Variants in NCOR1 observed in about 807,000 individuals in gnomAD.
NCOR1 encodes nuclear receptor corepressor 1.
Under a neutral mutation model 288.1 loss-of-function variants are expected in NCOR1, and 63 were observed. The ratio of observed to expected loss-of-function variants is 0.22; its 90% CI spans 0.18 to 0.27. NCOR1 has a LOEUF of 0.27. NCOR1 is among the 10% of genes least tolerant of loss of function. The pLI is 1.00. For missense variants in NCOR1, 2,397 were observed against 3,019.2 expected, an observed-to-expected ratio of 0.79 and a Z score of 4.83; for synonymous variants, 1,007 against 1,065.9, an observed-to-expected ratio of 0.94 and a Z score of 1.08.
chr17:16,062,925 G>C (rs537149717), intron 35 of NCOR1, among the ~76,000 whole-genome samples: 4 of 152,238 alleles, frequency 2.6e-5, no homozygotes, highest in African/African-American at 9.6e-5. Context: ...TCAGAGCTTG[G>C]ACTTGGTAAG....
chr17:16,034,425 C>CA (rs1455889825), intron 45 of NCOR1, among the ~76,000 whole-genome samples: 6 of 151,690 alleles, frequency 4.0e-5, no homozygotes, highest in Admixed American at 1.3e-4. Context: ...CTTGTCCCTA[C>CA]AAAAAATAAA....
chr17:16,212,182 T>G (rs1171060976), intron 1 of NCOR1, among the ~76,000 whole-genome samples: 1 of 151,904 alleles, frequency 6.6e-6, no homozygotes, highest in Admixed American at 6.6e-5. Context: ...GGAGAATCAC[T>G]TGAACCTGGG....
chr17:16,064,290 C>G (rs2060875413), intron 34 of NCOR1, 103 bp from the exon 35 acceptor site: 3 of 1,433,872 alleles, frequency 2.1e-6, no homozygotes, highest in Non-Finnish European at 2.8e-6. Flanking sequence ...CAAAAAGCTT[C>G]AAATTTGGGA....
At chr17:16,119,148 C>T (rs1222540738) in intron 17 of NCOR1, among the ~76,000 whole-genome samples, 5 of 152,084 alleles carry the variant, frequency 3.3e-5, no homozygotes, top group African/African-American at 9.7e-5. Context: ...AAAGTGAAAA[C>T]GACCTACTTG....
intron 2 of NCOR1, among the ~76,000 whole-genome samples, chr17:16,193,755 A>G (rs1253974446): frequency 6.6e-6 from 1 of 152,150 alleles, no homozygotes; most frequent in Admixed American, 6.6e-5. Flanking sequence ...GCCTCCCTAC[A>G]CAGGAACAAC....
chr17:16,038,906 G>A (rs1439264487), intron 44 of NCOR1, among the ~76,000 whole-genome samples: 7 of 152,142 alleles, frequency 4.6e-5, no homozygotes, highest in Non-Finnish European at 1.0e-4. Context: ...GAGTACCTGG[G>A]ATTACAGGCA....
chr17:16,082,599 G>A (rs2063568407), intron 23 of NCOR1, among the ~76,000 whole-genome samples: 1 of 151,988 alleles, frequency 6.6e-6, no homozygotes, highest in East Asian at 1.9e-4. Context: ...ATGCATGCCT[G>A]TAGTTCCAGC....
At chr17:16,071,317 C>CAT (rs2061737731) in intron 30 of NCOR1, 92 bp downstream of exon 30, 1 of 1,488,196 alleles carries the variant, frequency 6.7e-7, no homozygotes, top group African/African-American at 1.4e-5. Context: ...GGAGGTCTGA[C>CAT]ATCATAAGAA....
At chr17:16,037,499 T>G (rs910139483) in intron 44 of NCOR1, among the ~76,000 whole-genome samples, 1 of 151,950 alleles carries the variant, frequency 6.6e-6, no homozygotes, top group African/African-American at 2.4e-5. Context: ...AAAAACAAGG[T>G]TCGTCCTCCT....
At chr17:16,119,682 T>A (rs1165321310) in intron 16 of NCOR1, among the ~76,000 whole-genome samples, 197 bp from the exon 17 acceptor site, 2 of 152,214 alleles carry the variant, frequency 1.3e-5, no homozygotes, top group Non-Finnish European at 2.9e-5. Flanking sequence ...AATATTATGA[T>A]CTTTTTCAGT....
intron 11 of NCOR1, among the ~76,000 whole-genome samples, chr17:16,141,578 T>A (rs1336411396): frequency 6.6e-6 from 1 of 152,126 alleles, no homozygotes; most frequent in Non-Finnish European, 1.5e-5. Flanking sequence ...CAAAACAGGG[T>A]ATCATAATTA....
intron 45 of NCOR1, among the ~76,000 whole-genome samples, chr17:16,034,563 A>G (rs1328063871): frequency 6.6e-6 from 1 of 152,122 alleles, no homozygotes; most frequent in Non-Finnish European, 1.5e-5. Context: ...AGCCATGATC[A>G]TGCCATTGCA....
intron 18 of NCOR1, among the ~76,000 whole-genome samples, chr17:16,114,669 C>T (rs557448520): frequency 1.3e-5 from 2 of 152,210 alleles, no homozygotes; most frequent in African/African-American, 4.8e-5. Flanking sequence ...GGCAGTCAAA[C>T]CTTAAAGCTC....
intron 42 of NCOR1, among the ~76,000 whole-genome samples, chr17:16,043,853 CAG>C (rs1436247914): frequency 6.6e-6 from 1 of 152,128 alleles, no homozygotes; most frequent in Non-Finnish European, 1.5e-5. Flanking sequence ...AGACTGGAGA[CAG>C]AAAATAGTAA....
rs149870092 is a variant in NCOR1 at position 16,117,775 on chromosome 17, T to C, written c.2055+113A>G. 7.0e-4 allele frequency: 795 copies of C among 1,138,166 alleles called. 7 individuals are homozygous for C. In the African/African-American group the frequency reaches 0.011, roughly 16 times the overall value. The allele number at this position is 1,138,166 out of a possible 1,614,324, so 70.5% of individuals were successfully genotyped here. ...AGGAAGAGTTTGCAGTGAGCCAAGA[T>C]TGCACTGCTGCACTCTAGCCTGGGT... On this transcript the variant is annotated intron_variant, in intron 18 of 45. Transcript: ENST00000268712.
At chr17:16,044,555 A>AGGCCCT (rs1003419182) in intron 42 of NCOR1, 7 of 507,260 alleles carry the variant, frequency 1.4e-5, no homozygotes, top group Non-Finnish European at 2.4e-5. Flanking sequence ...CGTTGGGATG[A>AGGCCCT]GGCCCTCACT....
chr17:16,054,433 G>A (rs2059685765), intron 40 of NCOR1, among the ~76,000 whole-genome samples: 1 of 152,228 alleles, frequency 6.6e-6, no homozygotes, highest in South Asian at 2.1e-4. Context: ...TACTTGGGAA[G>A]CTGATGTGGG....
chr17:16,146,598 C>T (rs774454146), intron 9 of NCOR1, 50 bp from the exon 10 acceptor site: 8 of 1,444,898 alleles, frequency 5.5e-6, no homozygotes, highest in Middle Eastern at 1.8e-4. Context: ...AACTCTGATT[C>T]TGACAAACCT....
chr17:16,209,245 TAG>T (rs1327938729), intron 1 of NCOR1, among the ~76,000 whole-genome samples: 1 of 151,572 alleles, frequency 6.6e-6, no homozygotes, highest in Non-Finnish European at 1.5e-5. Context: ...TTAGATGTAG[TAG>T]AGTTTGGAAG....
Sources: allele counts gnomAD v4.1 joint callset (sites outside exome capture counted in the v4.1 genomes callset), GRCh38; gene constraint gnomAD v4.1.1; transcripts MANE v1.5; gene names NCBI Gene and HGNC (gene_info 2026-07-23, HGNC 2026-07-21).